Variants in ACAD10 observed in about 807,000 individuals in gnomAD.
The protein encoded by ACAD10 is ACAD-10.
A neutral mutation model predicts 116.8 loss-of-function variants in ACAD10; 112 were observed. That is an observed-to-expected ratio of 0.96 (90% confidence interval 0.82 to 1.12). The LOEUF (loss-of-function observed/expected upper bound fraction) is 1.12. Among genes scored for constraint, ACAD10 ranks in the 50% most tolerant of loss-of-function variants. ACAD10 has a pLI of 0.00. For missense variants in ACAD10, 1,259 were observed against 1,350.2 expected, an observed-to-expected ratio of 0.93 and a Z score of 1.06; for synonymous variants, 486 against 510.6, an observed-to-expected ratio of 0.95 and a Z score of 0.65.
rs770152739 is a variant in ACAD10, at chr12:111,702,311, G to A, written c.336+1G>A. ...ATTTGGGAGACTTTGCTCTGAAATG[G>A]TGAGTGGTAAACATACCTACATTTC... On this transcript the variant is annotated splice_donor_variant, in intron 3 of 20. Coordinates refer to ENST00000313698, the MANE Select transcript of ACAD10 (RefSeq NM_025247.6). LOFTEE classifies it high-confidence loss of function. 8.1e-6 allele frequency: 13 copies of A among 1,614,050 alleles called. No individual in the cohort carries two copies. The highest frequency in any genetic ancestry group is 1.6e-4 in the Middle Eastern group (1 of 6,062).
chr12:111,710,011 A>G, intron 5 of ACAD10: 1 of 341,498 alleles, frequency 2.9e-6, no homozygotes, highest in Non-Finnish European at 5.5e-6. Context: ...AGTGGCCACC[A>G]GCCATGCAGG....
chr12:111,730,859 C>G (rs1207757294), intron 10 of ACAD10, among the ~76,000 whole-genome samples: 1 of 151,626 alleles, frequency 6.6e-6, no homozygotes. Context: ...TCAAGCAATT[C>G]TCCCGCCCCA....
At chr12:111,721,236 GA>G (rs1031505427) in intron 7 of ACAD10, among the ~76,000 whole-genome samples, 1 of 151,854 alleles carries the variant, frequency 6.6e-6, no homozygotes, top group African/African-American at 2.4e-5. Context: ...ATATTTTTTA[GA>G]ATTTCATTTT....
In ACAD10 at chr12:111,744,635, C is replaced by G. The variant is rs1199838699; in HGVS notation, c.1715-8C>G. On this transcript the variant is annotated splice_polypyrimidine_tract_variant and splice_region_variant and intron_variant, in intron 12 of 20. Transcript: ENST00000313698. ...GAGTAATCACTGTTTTTCTTTGATT[C>G]TGCTTAGGGCAAGCAAGCTCCACAT... 7 of 1,603,454 alleles carry G rather than the reference C, an allele frequency of 4.4e-6. No homozygotes were observed. The highest frequency in any genetic ancestry group is 8.5e-7 in the Non-Finnish European group (1 of 1,173,936).
At chr12:111,736,025 G>A (rs1011402589) in intron 11 of ACAD10, among the ~76,000 whole-genome samples, 1 of 151,088 alleles carries the variant, frequency 6.6e-6, no homozygotes, top group African/African-American at 2.4e-5. Context: ...GATTACAGGC[G>A]TGTGCCACAA....
intron 16 of ACAD10, 95 bp downstream of exon 16, chr12:111,747,480 A>C: frequency 5.7e-6 from 9 of 1,578,808 alleles, no homozygotes; most frequent in Non-Finnish European, 7.8e-6. Context: ...CTGCTTTTTC[A>C]AGTTGACACA....
chr12:111,707,709 G>A (rs1186810979), intron 4 of ACAD10, among the ~76,000 whole-genome samples: 1 of 152,210 alleles, frequency 6.6e-6, no homozygotes, highest in Non-Finnish European at 1.5e-5. Context: ...CTTTGGAAGA[G>A]CTACTTTTGC....
intron 11 of ACAD10, among the ~76,000 whole-genome samples, chr12:111,735,565 C>T (rs1037238530): frequency 9.2e-5 from 14 of 151,872 alleles, no homozygotes; most frequent in African/African-American, 3.4e-4. Context: ...ACACCATTCT[C>T]CTGCCTCAGC....
intron 5 of ACAD10, chr12:111,710,116 G>T (rs1888629281): frequency 3.4e-6 from 1 of 293,284 alleles, no homozygotes; most frequent in Non-Finnish European, 6.7e-6. Flanking sequence ...CTCATACAGG[G>T]TCTTGTTATG....
intron 6 of ACAD10, among the ~76,000 whole-genome samples, chr12:111,713,392 A>C (rs1888748997): frequency 6.6e-6 from 1 of 151,916 alleles, no homozygotes; most frequent in African/African-American, 2.4e-5. Flanking sequence ...TGGGAGGCCA[A>C]GGCAGGTGGA....
intron 2 of ACAD10, among the ~76,000 whole-genome samples, chr12:111,697,930 G>T (rs1469927841): frequency 6.7e-6 from 1 of 149,684 alleles, no homozygotes; most frequent in African/African-American, 2.5e-5. Context: ...TTGCAACTGA[G>T]GTTGCGCCTT....
intron 1 of ACAD10, among the ~76,000 whole-genome samples, chr12:111,692,370 A>G (rs1044762771): frequency 6.6e-6 from 1 of 152,230 alleles, no homozygotes; most frequent in African/African-American, 2.4e-5. Context: ...CATGGGCAAG[A>G]TGGTGGCAGT....
At position 111,692,651 on chromosome 12, in the gene ACAD10, GGA is replaced by G. The variant is rs1192600299; in HGVS notation, c.-13-44_-13-43del. 4 of 1,565,398 alleles carry G rather than the reference GGA, an allele frequency of 2.6e-6. No homozygotes were observed. The Admixed American group carries it at 7.1e-5, about 28-fold the overall frequency. ...GAGCTCCAGGATGGAGGCCTGGTTG[GGA>G]GGCAGTGCAGGCAAGTAACGCCCTG... On this transcript the variant is annotated intron_variant, in intron 1 of 20. Transcript: ENST00000313698.
Position 111,703,796 on chromosome 12 carries a change from A to T in ACAD10, c.336+1486A>T, listed in dbSNP as rs541903470. On this transcript the variant is annotated intron_variant, in intron 3 of 20. Transcript: ENST00000313698. ...GAGGTTACAGTGAGCCAGGATCAAG[A>T]TCACACCACTGCACTCCAGCCTGGG... is the stretch of plus-strand genomic sequence containing the variant. 1.3e-3 allele frequency among the ~76,000 whole-genome samples: 200 copies of T among 152,074 alleles called. 4 individuals carry two copies. The South Asian group carries it at 0.026, about 20-fold the overall frequency.
At chr12:111,739,319 T>C (rs1396055955) in intron 12 of ACAD10, among the ~76,000 whole-genome samples, 2 of 152,200 alleles carry the variant, frequency 1.3e-5, no homozygotes, top group African/African-American at 2.4e-5. Context: ...CAGAGGGACA[T>C]GTTCAGCAGC....
intron 2 of ACAD10, among the ~76,000 whole-genome samples, chr12:111,698,417 T>C (rs1285730872): frequency 1.3e-5 from 2 of 151,398 alleles, no homozygotes; most frequent in African/African-American, 4.9e-5. Flanking sequence ...TTTTTTTTTT[T>C]TTAATATTAT....
chr12:111,743,400 G>A (rs1889805305), intron 12 of ACAD10, among the ~76,000 whole-genome samples: 1 of 146,396 alleles, frequency 6.8e-6, no homozygotes, highest in Non-Finnish European at 1.5e-5. Context: ...ATGGAGTCTC[G>A]CTCTGTTGCC....
At chr12:111,734,188 T>C in intron 11 of ACAD10, 120 bp downstream of exon 11, 1 of 1,400,148 alleles carries the variant, frequency 7.1e-7, no homozygotes, top group African/African-American at 1.4e-5. Context: ...TCCTGGTGGT[T>C]CTGGTGGGAA....
intron 3 of ACAD10, among the ~76,000 whole-genome samples, chr12:111,703,827 G>C (rs138603728): frequency 0.015 from 2,329 of 151,890 alleles, 71 homozygotes; most frequent in African/African-American, 0.053. Context: ...CTGGGTGACA[G>C]AGTGAGACTC....
Sources: gnomAD v4.1 joint callset for allele counts (sites outside exome capture counted in the v4.1 genomes callset) on GRCh38, gnomAD v4.1.1 for gene constraint, MANE v1.5 for transcripts, NCBI Gene and HGNC (gene_info 2026-07-23, HGNC 2026-07-21) for gene names.